Variants in VPS35L observed in about 807,000 individuals in gnomAD.
The protein encoded by VPS35L is VPS35 endosomal protein-sorting factor-like.
Under a neutral mutation model 133.0 loss-of-function variants are expected in VPS35L, and 83 were observed. The ratio of observed to expected loss-of-function variants is 0.62; its 90% CI spans 0.52 to 0.75. The LOEUF is 0.75. VPS35L is among the 30% of genes least tolerant of loss of function. The probability of loss-of-function intolerance (pLI) is 0.00; values close to 1 mark genes in which losing one functional copy is unlikely to be tolerated. For synonymous variants in VPS35L, 423 were observed against 449.9 expected, an observed-to-expected ratio of 0.94 and a Z score of 0.76; for missense variants, 1,083 against 1,206.8, an observed-to-expected ratio of 0.90 and a Z score of 1.52.
At chr16:19,559,442 G>T (rs1970959168) in intron 1 of VPS35L, among the ~76,000 whole-genome samples, 1 of 152,156 alleles carries the variant, frequency 6.6e-6, no homozygotes, top group South Asian at 2.1e-4. Flanking sequence ...CATTACTGGG[G>T]GTTGGAATTA....
At chr16:19,567,560 T>C (rs544055510) in intron 2 of VPS35L, among the ~76,000 whole-genome samples, 1 of 152,104 alleles carries the variant, frequency 6.6e-6, no homozygotes, top group East Asian at 1.9e-4. Flanking sequence ...AAACAGCAAA[T>C]GTACCCCAAT....
intron 9 of VPS35L, among the ~76,000 whole-genome samples, chr16:19,607,419 A>G (rs1445979692): frequency 6.6e-6 from 1 of 152,230 alleles, no homozygotes; most frequent in Non-Finnish European, 1.5e-5. Flanking sequence ...TTGCCCTTCT[A>G]TTTATATATC....
chr16:19,619,187 C>A (rs1006796896), intron 14 of VPS35L, among the ~76,000 whole-genome samples: 1 of 152,106 alleles, frequency 6.6e-6, no homozygotes, highest in Non-Finnish European at 1.5e-5. Context: ...CCCGCCTCGG[C>A]TTCCCAGAGT....
chr16:19,673,451 C>T (rs1399786479), intron 27 of VPS35L, among the ~76,000 whole-genome samples: 1 of 152,194 alleles, frequency 6.6e-6, no homozygotes, highest in Non-Finnish European at 1.5e-5. Context: ...ACCTCTGGAC[C>T]CATTAACCCC....
chr16:19,633,323 G>A lies in VPS35L; in HGVS notation c.1635+151G>A, dbSNP rs141997152. 1.9e-5 allele frequency: 14 copies of A among 740,714 alleles called. No homozygotes were observed. The highest frequency in any genetic ancestry group is 2.5e-4 in the Middle Eastern group (1 of 3,962). The allele number at this position is 740,714 out of a possible 1,614,324, so 45.9% of individuals were successfully genotyped here. On this transcript the variant is annotated intron_variant, in intron 19 of 30. Transcript: ENST00000417362. The surrounding 1 kb of genome is among the most constrained non-coding windows in gnomAD (Gnocchi z 4.1). ...ATCCTAGCCATGTGCCCTTTGATCA[G>A]TTACTTAACCTTGTTGTGCCCCAGT...
chr16:19,583,006 A>C lies in VPS35L; in HGVS notation c.639+1353A>C, dbSNP rs549454298. ...AACATGGTGAAACCCATCTCTACTAAAAATACAAAAATTAGCCAGGCTAAT... is the reference window on the plus strand; with the variant it reads ...AACATGGTGAAACCCATCTCTACTACAAATACAAAAATTAGCCAGGCTAAT... On this transcript the variant is annotated intron_variant, in intron 7 of 30. Transcript: ENST00000417362. 1.2e-4 allele frequency among the ~76,000 whole-genome samples: 18 copies of C among 152,220 alleles called. No homozygotes were observed. The South Asian group carries it at 3.7e-3, about 32-fold the overall frequency.
chr16:19,676,197 A>T (rs1282460406), intron 27 of VPS35L, among the ~76,000 whole-genome samples: 1 of 152,178 alleles, frequency 6.6e-6, no homozygotes, highest in African/African-American at 2.4e-5. Context: ...GGTTGTAGTG[A>T]GCCAAGATTA....
chr16:19,676,685 C>T (rs1975073986), intron 27 of VPS35L, among the ~76,000 whole-genome samples: 1 of 152,106 alleles, frequency 6.6e-6, no homozygotes. Flanking sequence ...GAAAAAGGTC[C>T]AGCCATAAAC....
chr16:19,658,020 A>G (rs1974360905), intron 26 of VPS35L, among the ~76,000 whole-genome samples: 1 of 152,152 alleles, frequency 6.6e-6, no homozygotes, highest in South Asian at 2.1e-4. Flanking sequence ...TGATCCATCC[A>G]TCTTAGGGAG....
At position 19,688,361 on chromosome 16, in the gene VPS35L, C is replaced by T. The variant is rs374671321; in HGVS notation, c.2528-2992C>T. Among the ~76,000 whole-genome samples the T allele has an allele frequency of 3.3e-5, 5 of 152,132 alleles. No individual in the cohort carries two copies. In the South Asian group the frequency reaches 6.2e-4, roughly 19 times the overall value. On this transcript the variant is annotated intron_variant, in intron 28 of 30. Coordinates refer to ENST00000417362, the MANE Select transcript of VPS35L (RefSeq NM_020314.7). ...CTCAAGACAGTGATGAATGTTCTTT[C>T]AATGGGGCGAGAAAAGCACAACAAA...
intron 8 of VPS35L, 87 bp from the exon 9 acceptor site, chr16:19,601,577 A>C: frequency 7.5e-7 from 1 of 1,325,852 alleles, no homozygotes; most frequent in Non-Finnish European, 1.1e-6. Context: ...GGGCGATGAT[A>C]GCTCTGGGTC....
At chr16:19,601,626 G>A (rs1374927352) in intron 8 of VPS35L, 38 bp from the exon 9 acceptor site, 1 of 1,600,036 alleles carries the variant, frequency 6.2e-7, no homozygotes, top group South Asian at 1.1e-5. Flanking sequence ...TGCTCCTGAA[G>A]AGTGTGATAC....
intron 2 of VPS35L, among the ~76,000 whole-genome samples, chr16:19,565,550 G>A (rs138061901): frequency 0.028 from 4,243 of 152,078 alleles, 82 homozygotes; most frequent in Non-Finnish European, 0.042. Flanking sequence ...ACAGGGTTTC[G>A]CCATGTTGGC....
At chr16:19,582,122 G>A (rs545238455) in intron 7 of VPS35L, 181 of 154,106 alleles carry the variant, frequency 1.2e-3, no homozygotes, top group African/African-American at 1.5e-3. Context: ...AGTTTACAGC[G>A]TTGGGAGAGG....
intron 1 of VPS35L, among the ~76,000 whole-genome samples, chr16:19,563,476 G>C (rs1174344643): frequency 6.6e-6 from 1 of 152,092 alleles, no homozygotes; most frequent in African/African-American, 2.4e-5. Flanking sequence ...TTTTGGAAAA[G>C]TTTCACCTAT....
chr16:19,647,545 A>G (rs1425832884), intron 23 of VPS35L, among the ~76,000 whole-genome samples: 1 of 152,192 alleles, frequency 6.6e-6, no homozygotes, highest in Admixed American at 6.5e-5. Flanking sequence ...TGTTCTGTGA[A>G]AAGGCCACAG....
chr16:19,623,040 G>A (rs1039305803), intron 14 of VPS35L, among the ~76,000 whole-genome samples: 1 of 152,090 alleles, frequency 6.6e-6, no homozygotes, highest in Non-Finnish European at 1.5e-5. Flanking sequence ...AGCATCCAGG[G>A]AATCTTTGAT....
chr16:19,663,045 C>A (rs1263443835), intron 26 of VPS35L, among the ~76,000 whole-genome samples: 1 of 152,100 alleles, frequency 6.6e-6, no homozygotes, highest in African/African-American at 2.4e-5. Flanking sequence ...CACAGTGGCT[C>A]ATGGCTATAA....
chr16:19,598,207 G>A (rs552016106), intron 8 of VPS35L, among the ~76,000 whole-genome samples: 1 of 152,316 alleles, frequency 6.6e-6, no homozygotes, highest in South Asian at 2.1e-4. Flanking sequence ...TAAATGAGAG[G>A]ATTCATAGGA....
Sources: allele counts gnomAD v4.1 joint callset (sites outside exome capture counted in the v4.1 genomes callset), GRCh38; gene constraint gnomAD v4.1.1; non-coding constraint Gnocchi (gnomAD v3.1); transcripts MANE v1.5; gene names NCBI Gene and HGNC (gene_info 2026-07-23, HGNC 2026-07-21).